EDDM13: variants seen among roughly 807,000 people sequenced by gnomAD.
EDDM13 encodes epididymal protein 13.
In EDDM13, 24 loss-of-function variants were observed where a neutral mutation model predicts 17.8. The ratio of observed to expected loss-of-function variants is 1.35; its 90% CI spans 0.98 to 1.90. EDDM13 has a LOEUF of 1.90. Ranked by LOEUF, EDDM13 falls within the 40% of genes most tolerant of loss-of-function variation. EDDM13 has a pLI of 0.00. For missense variants in EDDM13, 97 were observed against 100.8 expected, an observed-to-expected ratio of 0.96 and a Z score of 0.16; for synonymous variants, 31 against 37.5, an observed-to-expected ratio of 0.83 and a Z score of 0.63.
chr19:56,275,413 T>G (rs1159004391), intron 1 of EDDM13, among the ~76,000 whole-genome samples: 1 of 152,186 alleles, frequency 6.6e-6, no homozygotes, highest in Admixed American at 6.5e-5. Context: ...CTGTATTTAT[T>G]TATATCAGCG....
intron 8 of EDDM13, among the ~76,000 whole-genome samples, 38 bp from the exon 9 acceptor site, chr19:56,290,803 A>C (rs560795807): frequency 3.0e-4 from 45 of 152,308 alleles, no homozygotes; most frequent in African/African-American, 1.0e-3. Flanking sequence ...TCTTCTCCAC[A>C]CTGACTCCCC....
chr19:56,306,187 G>A (rs954389451), intron 14 of EDDM13, among the ~76,000 whole-genome samples: 6 of 152,202 alleles, frequency 3.9e-5, no homozygotes, highest in African/African-American at 7.2e-5. Context: ...ACGAGATGAC[G>A]GTAGCCTGGT....
intron 9 of EDDM13, among the ~76,000 whole-genome samples, chr19:56,291,802 T>A (rs1173721479): frequency 1.3e-5 from 2 of 152,136 alleles, no homozygotes; most frequent in Non-Finnish European, 2.9e-5. Flanking sequence ...TTCAAATAGA[T>A]GGGATGTCTC....
At chr19:56,278,101 ATT>A (rs34892463) in intron 2 of EDDM13, among the ~76,000 whole-genome samples, 20 of 144,820 alleles carry the variant, frequency 1.4e-4, no homozygotes, top group Non-Finnish European at 1.8e-4. Flanking sequence ...ACAATGTGCT[ATT>A]TTTTTTTTTT....
At chr19:56,281,001 T>G (rs2038653474) in intron 2 of EDDM13, among the ~76,000 whole-genome samples, 1 of 152,204 alleles carries the variant, frequency 6.6e-6, no homozygotes, top group South Asian at 2.1e-4. Context: ...TCCCCAAAAC[T>G]TAACTACGAA....
intron 12 of EDDM13, chr19:56,297,764 T>A (rs183175678): frequency 6.6e-6 from 1 of 152,404 alleles, no homozygotes; most frequent in East Asian, 1.9e-4. Context: ...GTGGGAGACA[T>A]TTCTATCCCA....
chr19:56,286,726 A>C (rs1158024771), intron 6 of EDDM13: 2 of 152,226 alleles, frequency 1.3e-5, no homozygotes, highest in African/African-American at 4.8e-5. Flanking sequence ...TTGAAAGAGA[A>C]TTGGAGAGAG....
At chr19:56,302,183 T>C (rs908455861) in intron 13 of EDDM13, 88 bp downstream of exon 13, 32 of 1,022,276 alleles carry the variant, frequency 3.1e-5, no homozygotes, top group Non-Finnish European at 3.5e-5. Flanking sequence ...CGAAGGAGGG[T>C]GCCTCAGAGG....
chr19:56,303,254 T>C lies in EDDM13; in HGVS notation c.423+1159T>C, dbSNP rs1437788155. Among the ~76,000 whole-genome samples, 4 of 151,878 alleles carry C rather than the reference T, an allele frequency of 2.6e-5. No homozygotes were observed. In the South Asian group the frequency reaches 8.3e-4, roughly 32 times the overall value. The stretch of plus-strand genomic sequence containing the variant: ...CAGCACTGTGGGAGGCTGAGGCGGC[T>C]GGATCACGAGGTCAGGAGTTCAAGA... On this transcript the variant is annotated intron_variant, in intron 13 of 14. Coordinates refer to ENST00000649256, the MANE Select transcript of EDDM13 (RefSeq NM_001354658.2).
intron 13 of EDDM13, among the ~76,000 whole-genome samples, chr19:56,304,484 C>T (rs112872088): frequency 1.8e-4 from 28 of 152,250 alleles, no homozygotes; most frequent in African/African-American, 4.6e-4. Flanking sequence ...CAGGACAACA[C>T]GCCACGACAA....
chr19:56,292,351 C>T (rs1041187815), intron 9 of EDDM13, among the ~76,000 whole-genome samples: 3 of 152,144 alleles, frequency 2.0e-5, no homozygotes, highest in Non-Finnish European at 4.4e-5. Flanking sequence ...TGGTGCAGAC[C>T]TCCTGGGCTC....
intron 4 of EDDM13, 76 bp from the exon 5 acceptor site, chr19:56,284,122 C>G: frequency 1.0e-6 from 1 of 983,560 alleles, no homozygotes; most frequent in Non-Finnish European, 1.2e-6. Context: ...TCTTTGTGAC[C>G]TCTTGGGGAC....
At chr19:56,278,163 C>T (rs1600163628) in intron 2 of EDDM13, among the ~76,000 whole-genome samples, 1 of 151,684 alleles carries the variant, frequency 6.6e-6, no homozygotes, top group East Asian at 1.9e-4. Context: ...GCTCTGTCGC[C>T]CAGGCTGGAA....
intron 12 of EDDM13, chr19:56,298,121 G>A (rs1053410300): frequency 3.3e-5 from 5 of 150,462 alleles, no homozygotes; most frequent in East Asian, 1.9e-4. Flanking sequence ...TTTGAAAAGC[G>A]TAATACAAAT....
chr19:56,276,462 G>A (rs1177556706), intron 2 of EDDM13, among the ~76,000 whole-genome samples: 1 of 151,056 alleles, frequency 6.6e-6, no homozygotes, highest in Non-Finnish European at 1.5e-5. Flanking sequence ...ATGGTCTTAG[G>A]GCCACTGAAC....
chr19:56,293,898 A>G (rs2039686294), intron 9 of EDDM13, among the ~76,000 whole-genome samples: 1 of 152,284 alleles, frequency 6.6e-6, no homozygotes, highest in East Asian at 1.9e-4. Context: ...CTGGAGGTTG[A>G]GAAACCCCCC....
chr19:56,300,400 T>C (rs763777001), intron 12 of EDDM13, among the ~76,000 whole-genome samples: 2 of 152,196 alleles, frequency 1.3e-5, no homozygotes, highest in African/African-American at 2.4e-5. Context: ...TGTTTGTTAA[T>C]TGGCTTAATC....
At chr19:56,302,659 CT>C (rs201473643) in intron 13 of EDDM13, among the ~76,000 whole-genome samples, 5,663 of 118,622 alleles carry the variant, frequency 0.048, 161 homozygotes, top group Middle Eastern at 0.069. Flanking sequence ...CCCCCCCTCC[CT>C]GTTCTTTCCT....
At chr19:56,309,396 A>G (rs1383939396) in intron 14 of EDDM13, among the ~76,000 whole-genome samples, 3 of 152,244 alleles carry the variant, frequency 2.0e-5, no homozygotes, top group Non-Finnish European at 4.4e-5. Context: ...AACATGGCGA[A>G]TGTAATGAAG....
Sources: allele counts gnomAD v4.1 joint callset (sites outside exome capture counted in the v4.1 genomes callset), GRCh38; gene constraint gnomAD v4.1.1; transcripts MANE v1.5; gene names NCBI Gene and HGNC (gene_info 2026-07-23, HGNC 2026-07-21).